The following SYNPO2 variants were observed in gnomAD, a reference collection of about 807,000 sequenced individuals.
SYNPO2 encodes synaptopodin 2.
In SYNPO2, 56 loss-of-function variants were observed where a neutral mutation model predicts 85.0. The observed-to-expected ratio is 0.66, with a 90% CI of 0.53 to 0.82. The LOEUF (loss-of-function observed/expected upper bound fraction) is 0.82. Ranked by LOEUF, SYNPO2 falls within the 40% of genes least tolerant of loss-of-function variation. The pLI, the probability that SYNPO2 is intolerant of heterozygous loss-of-function variation, is 0.00. For missense variants in SYNPO2, 1,575 were observed against 1,534.2 expected (o/e 1.03, Z -0.44); for synonymous variants, 602 against 591.1 (o/e 1.02, Z -0.27).
chr4:119,052,272 C>T (rs1739076953), intron 4 of SYNPO2, among the ~76,000 whole-genome samples: 1 of 152,122 alleles, frequency 6.6e-6, no homozygotes, highest in South Asian at 2.1e-4. Context: ...CTGGGGTCAA[C>T]CTGGGGCCTC....
chr4:118,950,540 G>C (rs557931788), intron 1 of SYNPO2, among the ~76,000 whole-genome samples: 1 of 152,340 alleles, frequency 6.6e-6, no homozygotes, highest in South Asian at 2.1e-4. Flanking sequence ...CAGGTTCTGG[G>C]TTATAAGAAT....
intron 1 of SYNPO2, among the ~76,000 whole-genome samples, chr4:118,879,327 T>G (rs150796017): frequency 9.7e-4 from 148 of 152,308 alleles, no homozygotes; most frequent in African/African-American, 3.4e-3. Flanking sequence ...TTCCCTAGGC[T>G]CTGGGGAACT....
At chr4:118,872,094 GC>G (rs1731813678) in intron 1 of SYNPO2, among the ~76,000 whole-genome samples, 1 of 152,170 alleles carries the variant, frequency 6.6e-6, no homozygotes, top group Non-Finnish European at 1.5e-5. Flanking sequence ...GAATGCATTA[GC>G]ATTATTTATT....
At chr4:118,934,453 A>G (rs1368527090) in intron 1 of SYNPO2, among the ~76,000 whole-genome samples, 2 of 152,200 alleles carry the variant, frequency 1.3e-5, no homozygotes, top group Non-Finnish European at 2.9e-5. Context: ...AAGAAAGCAT[A>G]TTAGTCCCAG....
intron 1 of SYNPO2, among the ~76,000 whole-genome samples, chr4:118,905,599 A>G (rs72671613): frequency 0.011 from 1,663 of 152,326 alleles, 12 homozygotes; most frequent in Non-Finnish European, 0.019. Flanking sequence ...GTGCGTTTCA[A>G]CAGTCCAGCA....
chr4:118,994,553 G>A lies in SYNPO2; in HGVS notation c.106-28877G>A, dbSNP rs376995371. ...CTGTTAATTCAATATATGAACTGGGGAATCGCTGAGTTTGAGTACTAATTG... is the reference window on the plus strand; with the variant it reads ...CTGTTAATTCAATATATGAACTGGGAAATCGCTGAGTTTGAGTACTAATTG... On this transcript the variant is annotated intron_variant, in intron 1 of 4. Transcript: ENST00000307142. Among the ~76,000 whole-genome samples the A allele has an allele frequency of 7.6e-4, 62 of 81,898 alleles. 1 individual carries two copies. In the Middle Eastern group the frequency reaches 0.027, roughly 36 times the overall value. 53.7% of individuals were successfully genotyped at this position (81,898 alleles called of 152,430 possible).
chr4:118,873,271 A>T (rs1027570913), intron 1 of SYNPO2, among the ~76,000 whole-genome samples: 10 of 152,276 alleles, frequency 6.6e-5, no homozygotes, highest in South Asian at 2.1e-4. Context: ...AAATCTCCGT[A>T]TTGTTTTCCA....
At chr4:118,926,812 G>T (rs1200496339) in intron 1 of SYNPO2, among the ~76,000 whole-genome samples, 1 of 152,152 alleles carries the variant, frequency 6.6e-6, no homozygotes, top group African/African-American at 2.4e-5. Context: ...CTCTAGAGGA[G>T]CAGGGTGCTG....
At chr4:118,978,792 GACACACACACACAC>G (rs5861400) in intron 1 of SYNPO2, among the ~76,000 whole-genome samples, 23,092 of 148,376 alleles carry the variant, frequency 0.16, 2,071 homozygotes, top group East Asian at 0.28. Context: ...CTCCTGCCAT[GACACACACACACAC>G]ACACACACAC....
chr4:118,964,256 C>T (rs1384607758), intron 1 of SYNPO2, among the ~76,000 whole-genome samples: 1 of 151,484 alleles, frequency 6.6e-6, no homozygotes, highest in Non-Finnish European at 1.5e-5. Context: ...TTGAGACCAG[C>T]CTGGGCAACA....
chr4:118,856,873 T>G (rs1055167944), intron 1 of SYNPO2, among the ~76,000 whole-genome samples: 1 of 152,164 alleles, frequency 6.6e-6, no homozygotes, highest in African/African-American at 2.4e-5. Context: ...GCAAAGAACC[T>G]TCAATTGAAT....
intron 1 of SYNPO2, among the ~76,000 whole-genome samples, chr4:118,955,696 T>C (rs1453856347): frequency 3.9e-5 from 6 of 152,082 alleles, no homozygotes; most frequent in Non-Finnish European, 7.3e-5. Flanking sequence ...AGAAAGCAGA[T>C]ATATTTAGAA....
chr4:118,876,561 A>T (rs1731911034), intron 1 of SYNPO2, among the ~76,000 whole-genome samples: 1 of 152,080 alleles, frequency 6.6e-6, no homozygotes, highest in African/African-American at 2.4e-5. Flanking sequence ...CTGAACTTAG[A>T]ACAACACACA....
At position 118,985,762 on chromosome 4, in the gene SYNPO2, A is replaced by C. The variant is rs114950318; in HGVS notation, c.106-37668A>C. Among the ~76,000 whole-genome samples the C allele has an allele frequency of 6.6e-3, 1,001 of 152,312 alleles. 9 individuals are homozygous for C. The highest frequency in any genetic ancestry group is 0.031 in the Middle Eastern group (9 of 294). ...GCACAGAACTTGGTTCAGTGTCCTT[A>C]CAGTATCCCTGATCGAGGATCTAAT... On this transcript the variant is annotated intron_variant, in intron 1 of 4. Coordinates refer to ENST00000307142, the MANE Select transcript of SYNPO2 (RefSeq NM_133477.3).
At chr4:119,056,374 G>A (rs1422233408) in intron 4 of SYNPO2, among the ~76,000 whole-genome samples, 1 of 151,812 alleles carries the variant, frequency 6.6e-6, no homozygotes, top group African/African-American at 2.4e-5. Context: ...TGGGCAACAG[G>A]GAGATCCTGT....
chr4:119,029,780 G>T, intron 3 of SYNPO2, 65 bp from the exon 4 acceptor site: 1 of 1,465,580 alleles, frequency 6.8e-7, no homozygotes. Flanking sequence ...TCATTTCTGA[G>T]TTGCTGTGGT....
chr4:118,877,002 C>G (rs11932966), intron 1 of SYNPO2, among the ~76,000 whole-genome samples: 1,647 of 151,672 alleles, frequency 0.011, 32 homozygotes, highest in African/African-American at 0.038. Context: ...GACAAGGTCT[C>G]CCTATGTTGC....
chr4:119,007,248 ATATACATATATATATATATATATATATG>A lies in SYNPO2; in HGVS notation c.106-16177_106-16150del, dbSNP rs1197289389. On this transcript the variant is annotated intron_variant, in intron 1 of 4. Coordinates refer to ENST00000307142, the MANE Select transcript of SYNPO2 (RefSeq NM_133477.3). ...TATATATATATATATATATATATGT[ATATACATATATATATATATATATATATG>A]TATATACATATATATATATATGTAT... Among the ~76,000 whole-genome samples, 160 of 25,204 alleles carry A rather than the reference ATATACATATATATATATATATATATATG, an allele frequency of 6.3e-3. 3 individuals carry two copies. The highest frequency in any genetic ancestry group is 0.014 in the East Asian group (11 of 786). The allele number at this position is 25,204 out of a possible 152,430, so 16.5% of individuals were successfully genotyped here. A position where few individuals can be genotyped will look rare whatever the true frequency, so the allele number is the denominator to read the frequency against.
At chr4:118,941,879 A>G (rs969170153) in intron 1 of SYNPO2, among the ~76,000 whole-genome samples, 5 of 152,232 alleles carry the variant, frequency 3.3e-5, no homozygotes, top group Non-Finnish European at 7.3e-5. Context: ...TGTTTTCCGT[A>G]GGAAAGGCAA....
Sources: gnomAD v4.1 joint callset for allele counts (sites outside exome capture counted in the v4.1 genomes callset) on GRCh38, gnomAD v4.1.1 for gene constraint, MANE v1.5 for transcripts, NCBI Gene and HGNC (gene_info 2026-07-23, HGNC 2026-07-21) for gene names.